Variants in LRP1B observed in about 807,000 individuals in gnomAD.
LRP1B encodes the protein LDL receptor related protein 1B.
In LRP1B, 217 loss-of-function variants were observed where a neutral mutation model predicts 556.6. The ratio of observed to expected loss-of-function variants is 0.39; its 90% CI spans 0.35 to 0.44. The LOEUF is 0.44. Among genes scored for constraint, LRP1B ranks in the 20% least tolerant of loss-of-function variants. LRP1B has a pLI of 1.00. For missense variants in LRP1B, 5,053 were observed against 5,620.8 expected (o/e 0.90, Z 3.23); for synonymous variants, 2,047 against 1,865.8 (o/e 1.10, Z -2.50).
intron 2 of LRP1B, among the ~76,000 whole-genome samples, chr2:141,512,945 C>A (rs1389891803): frequency 6.6e-6 from 1 of 152,114 alleles, no homozygotes. Context: ...TTGATCTATA[C>A]ATTACCGCAT....
chr2:140,524,802 AG>A (rs1468750512), intron 49 of LRP1B, among the ~76,000 whole-genome samples: 1 of 151,824 alleles, frequency 6.6e-6, no homozygotes, highest in Non-Finnish European at 1.5e-5. Flanking sequence ...AAAAGGGGAG[AG>A]GGAGGAAGGA....
intron 2 of LRP1B, among the ~76,000 whole-genome samples, chr2:141,746,581 T>G (rs1396854167): frequency 6.6e-6 from 1 of 152,116 alleles, no homozygotes; most frequent in Non-Finnish European, 1.5e-5. Context: ...TCAGTGCTGC[T>G]TTCAGACACA....
rs1352472359 is a variant in LRP1B at position 140,232,357 on chromosome 2, T to C, written c.*829A>G. ...TGTGACTGGGAAGAAATACCTAAGA[T>C]GCAAGTACCCAATGCCCTGTTGTGC... On this transcript the variant is annotated 3_prime_UTR_variant, in exon 91 of 91. Coordinates refer to ENST00000389484, the MANE Select transcript of LRP1B (RefSeq NM_018557.3). 2.0e-5 allele frequency: 3 copies of C among 151,430 alleles called. No homozygotes were observed. The highest frequency in any genetic ancestry group is 3.0e-5 in the Non-Finnish European group (2 of 67,552). 9.4% of individuals were successfully genotyped at this position (151,430 alleles called of 1,614,324 possible).
chr2:140,340,379 G>A (rs561068670), intron 77 of LRP1B, among the ~76,000 whole-genome samples: 286 of 151,616 alleles, frequency 1.9e-3, no homozygotes, highest in African/African-American at 6.8e-3. Context: ...TCCATTCTGG[G>A]TAAGTGTGCA....
At position 140,510,064 on chromosome 2, in the gene LRP1B, A is replaced by T. The variant is rs1689588550; in HGVS notation, c.8270-8T>A. On this transcript the variant is annotated splice_region_variant and splice_polypyrimidine_tract_variant and intron_variant, in intron 51 of 90. Coordinates refer to ENST00000389484, the MANE Select transcript of LRP1B (RefSeq NM_018557.3). ...CAGCACAGGTTATGGCACCTGAAACACAAAAACATAATGCCATTAAGATTA... is the reference window on the plus strand; with the variant it reads ...CAGCACAGGTTATGGCACCTGAAACTCAAAAACATAATGCCATTAAGATTA... 5 of 1,612,572 alleles carry T rather than the reference A, an allele frequency of 3.1e-6. No individual in the cohort carries two copies. In the African/African-American group the frequency reaches 6.7e-5, roughly 22 times the overall value.
chr2:140,482,790 C>T (rs1289986050), intron 59 of LRP1B, among the ~76,000 whole-genome samples: 2 of 151,988 alleles, frequency 1.3e-5, no homozygotes, highest in Non-Finnish European at 2.9e-5. Context: ...CTCCCTTAAA[C>T]AAATTCTTAC....
chr2:140,741,015 G>T (rs1181406305), intron 35 of LRP1B, among the ~76,000 whole-genome samples: 2 of 152,088 alleles, frequency 1.3e-5, no homozygotes, highest in Non-Finnish European at 2.9e-5. Context: ...GCCTCTCAGA[G>T]ATTATTTGTA....
intron 45 of LRP1B, among the ~76,000 whole-genome samples, chr2:140,537,386 T>G (rs866600544): frequency 1.9e-4 from 29 of 151,924 alleles, no homozygotes; most frequent in Admixed American, 7.9e-4. Flanking sequence ...TTGATGTGAA[T>G]CATCTCAGTC....
chr2:141,280,123 C>T lies in LRP1B; in HGVS notation c.344-25482G>A, dbSNP rs188569687. Reference sequence around the variant, plus strand: ...AAGTAATGTTAGGAATCTGAGCCACCTCTTACTACGTTGCGTGAATTTTTC... The same window carrying T: ...AAGTAATGTTAGGAATCTGAGCCACTTCTTACTACGTTGCGTGAATTTTTC... On this transcript the variant is annotated intron_variant, in intron 3 of 90. Transcript: ENST00000389484. Among the ~76,000 whole-genome samples the T allele has an allele frequency of 4.6e-5, 7 of 152,076 alleles. No individual in the cohort carries two copies. In the East Asian group the frequency reaches 1.4e-3, roughly 29 times the overall value.
intron 63 of LRP1B, among the ~76,000 whole-genome samples, chr2:140,448,254 C>T (rs1686749381): frequency 2.0e-5 from 3 of 151,980 alleles, no homozygotes; most frequent in Non-Finnish European, 4.4e-5. Context: ...ATAAGTTATG[C>T]CTGTATATCC....
chr2:141,934,652 C>G (rs771940594), intron 1 of LRP1B, among the ~76,000 whole-genome samples: 12 of 152,182 alleles, frequency 7.9e-5, no homozygotes, highest in Non-Finnish European at 1.8e-4. Context: ...ATTATGGGGG[C>G]TGTTACCTCC....
chr2:140,274,125 G>T (rs1682574198), intron 85 of LRP1B, among the ~76,000 whole-genome samples: 1 of 151,904 alleles, frequency 6.6e-6, no homozygotes, highest in African/African-American at 2.4e-5. Flanking sequence ...TGTAGTTTTT[G>T]AAAGTATGCT....
chr2:140,865,758 C>T (rs6713857), intron 27 of LRP1B, among the ~76,000 whole-genome samples: 1 of 152,020 alleles, frequency 6.6e-6, no homozygotes, highest in Non-Finnish European at 1.5e-5. Context: ...TGTTAAATTA[C>T]ATCCACATAG....
chr2:141,144,424 T>G (rs1194106643), intron 7 of LRP1B, among the ~76,000 whole-genome samples: 1 of 152,248 alleles, frequency 6.6e-6, no homozygotes, highest in Non-Finnish European at 1.5e-5. Context: ...CTTGATCATT[T>G]CATGCAGATG....
chr2:140,574,334 A>G (rs1222229750), intron 43 of LRP1B, among the ~76,000 whole-genome samples: 1 of 152,144 alleles, frequency 6.6e-6, no homozygotes, highest in African/African-American at 2.4e-5. Context: ...TTGTTCTTGT[A>G]TTTTGGTTTG....
At chr2:140,458,590 G>A (rs576745215) in intron 60 of LRP1B, among the ~76,000 whole-genome samples, 11 of 152,126 alleles carry the variant, frequency 7.2e-5, no homozygotes, top group African/African-American at 9.6e-5. Context: ...TGTACTTTTA[G>A]AAATTCTGAC....
intron 86 of LRP1B, among the ~76,000 whole-genome samples, chr2:140,265,648 A>G (rs866575240): frequency 6.6e-6 from 1 of 152,160 alleles, no homozygotes; most frequent in Non-Finnish European, 1.5e-5. Flanking sequence ...CAACAAAAAT[A>G]AAGCAAGCAC....
intron 7 of LRP1B, among the ~76,000 whole-genome samples, chr2:141,163,311 G>T (rs1249462): frequency 0.97 from 148,118 of 152,150 alleles, 72,228 homozygotes; most frequent in Middle Eastern, 1. Context: ...TCAAACAATT[G>T]CATATATTTC....
At chr2:140,569,987 C>T (rs976298835) in intron 43 of LRP1B, among the ~76,000 whole-genome samples, 8 of 151,600 alleles carry the variant, frequency 5.3e-5, no homozygotes, top group Non-Finnish European at 8.9e-5. Flanking sequence ...TTCAAACAAA[C>T]GAAAATAGAA....
Sources: gnomAD v4.1 joint callset for allele counts (sites outside exome capture counted in the v4.1 genomes callset) on GRCh38, gnomAD v4.1.1 for gene constraint, MANE v1.5 for transcripts, NCBI Gene and HGNC (gene_info 2026-07-23, HGNC 2026-07-21) for gene names.